The following ADAMTSL1 variants were observed in gnomAD, a reference collection of about 807,000 sequenced individuals.
The protein encoded by ADAMTSL1 is ADAMTS like 1.
Under a neutral mutation model 201.8 loss-of-function variants are expected in ADAMTSL1, and 126 were observed. The observed-to-expected ratio is 0.62, with a 90% CI of 0.54 to 0.72. The LOEUF is 0.72. ADAMTSL1 is among the 30% of genes least tolerant of loss of function. ADAMTSL1 has a pLI of 0.00. For synonymous variants in ADAMTSL1, 1,121 were observed against 903.4 expected, an observed-to-expected ratio of 1.24 and a Z score of -4.32; for missense variants, 2,679 against 2,277.8, an observed-to-expected ratio of 1.18 and a Z score of -3.59.
chr9:17,955,516 G>T (rs1032316929), intron 1 of ADAMTSL1, among the ~76,000 whole-genome samples: 1 of 152,126 alleles, frequency 6.6e-6, no homozygotes, highest in South Asian at 2.1e-4. Flanking sequence ...GTCAGCTTTG[G>T]TCCAAAACAT....
At chr9:18,515,103 C>T in intron 2 of ADAMTSL1, among the ~76,000 whole-genome samples, 1 of 152,040 alleles carries the variant, frequency 6.6e-6, no homozygotes, top group Non-Finnish European at 1.5e-5. Context: ...ACCTGGAAAG[C>T]TTTTAAAAAA....
chr9:18,472,727 T>C (rs925786362), upstream of ADAMTSL1, among the ~76,000 whole-genome samples: 2 of 152,212 alleles, frequency 1.3e-5, no homozygotes, highest in Non-Finnish European at 2.9e-5. Context: ...TATTTTTTAA[T>C]AATGAAAGGA....
intron 2 of ADAMTSL1, among the ~76,000 whole-genome samples, chr9:18,378,269 T>C (rs1837394409): frequency 6.6e-6 from 1 of 152,156 alleles, no homozygotes; most frequent in Non-Finnish European, 1.5e-5. Context: ...ATAGTGTATG[T>C]GAAGCTCAGG....
At chr9:18,335,448 G>A (rs534454485) in intron 2 of ADAMTSL1, among the ~76,000 whole-genome samples, 19 of 152,112 alleles carry the variant, frequency 1.2e-4, no homozygotes, top group African/African-American at 4.3e-4. Context: ...AACTGGGGAG[G>A]CAATATATCA....
chr9:18,300,211 G>A (rs988715700), intron 2 of ADAMTSL1, among the ~76,000 whole-genome samples: 1 of 152,038 alleles, frequency 6.6e-6, no homozygotes, highest in African/African-American at 2.4e-5. Context: ...GGAACCAACC[G>A]AAATGTCCAT....
At chr9:18,653,407 A>G (rs1222189363) in intron 7 of ADAMTSL1, among the ~76,000 whole-genome samples, 1 of 152,118 alleles carries the variant, frequency 6.6e-6, no homozygotes, top group Admixed American at 6.5e-5. Flanking sequence ...AGACAACATT[A>G]TACCTGTTGT....
chr9:18,193,584 A>G (rs986185775), intron 2 of ADAMTSL1, among the ~76,000 whole-genome samples: 2 of 152,122 alleles, frequency 1.3e-5, no homozygotes, highest in African/African-American at 4.8e-5. Context: ...TCCAGATGTG[A>G]GGACATGAAA....
chr9:18,826,620 A>G (rs1004210567), intron 22 of ADAMTSL1, among the ~76,000 whole-genome samples, 157 bp downstream of exon 22: 9 of 152,204 alleles, frequency 5.9e-5, no homozygotes, highest in Non-Finnish European at 1.5e-5. Context: ...TCGATAGAAC[A>G]CAAACTTTGA....
At chr9:18,235,710 C>T (rs951007386) in intron 2 of ADAMTSL1, among the ~76,000 whole-genome samples, 3 of 152,172 alleles carry the variant, frequency 2.0e-5, no homozygotes, top group African/African-American at 7.2e-5. Context: ...CAGCTTTTGA[C>T]TCCAGGCTCC....
intron 2 of ADAMTSL1, among the ~76,000 whole-genome samples, chr9:18,190,412 G>C (rs895529885): frequency 3.3e-5 from 5 of 152,138 alleles, no homozygotes; most frequent in Non-Finnish European, 5.9e-5. Flanking sequence ...ATTAGGAACT[G>C]TCATTGTGAC....
At chr9:18,034,800 T>G (rs1821122009) in intron 1 of ADAMTSL1, among the ~76,000 whole-genome samples, 2 of 152,218 alleles carry the variant, frequency 1.3e-5, no homozygotes, top group Non-Finnish European at 2.9e-5. Flanking sequence ...TTGACACACT[T>G]GGAACATCCT....
At chr9:18,333,080 G>GGT (rs1835097058) in intron 2 of ADAMTSL1, among the ~76,000 whole-genome samples, 1 of 152,176 alleles carries the variant, frequency 6.6e-6, no homozygotes, top group South Asian at 2.1e-4. Flanking sequence ...TTACCTCACA[G>GGT]ATTATCTAGC....
Position 18,777,824 on chromosome 9 carries a change from C to T in ADAMTSL1, c.3595C>T (p.Leu1199Phe). The part of the protein sequence containing the change: ...VALASGTLSV[L>F]LHCEAIGHPR... ...CCTGGCCAGCGGGACACTGAGTGTT[C>T]TTCTGCACTGTGAGGCCATCGGCCA... The change falls in exon 19 of 29, where the codon CTT (leucine) becomes TTT (phenylalanine). Residue 1199 changes from leucine to phenylalanine, a missense_variant. Physicochemically the swap from Leu to Phe is conservative, Grantham distance 22. Coordinates refer to ENST00000380548, the MANE Select transcript of ADAMTSL1 (RefSeq NM_001040272.6). 1 of 1,611,080 alleles carries T rather than the reference C, an allele frequency of 6.2e-7. No individual in the cohort carries two copies. The highest frequency in any genetic ancestry group is 8.5e-7 in the Non-Finnish European group (1 of 1,177,660).
At chr9:18,379,708 G>A (rs1004615297) in intron 2 of ADAMTSL1, among the ~76,000 whole-genome samples, 14 of 152,250 alleles carry the variant, frequency 9.2e-5, no homozygotes, top group Non-Finnish European at 1.8e-4. Flanking sequence ...TATACCGGAT[G>A]AGAGCATAAA....
At chr9:18,590,170 C>A (rs917058142) in intron 4 of ADAMTSL1, among the ~76,000 whole-genome samples, 3 of 151,944 alleles carry the variant, frequency 2.0e-5, no homozygotes, top group African/African-American at 7.2e-5. Context: ...CTGGGTGTGA[C>A]TTTGATGGAA....
chr9:18,809,695 A>G (rs1362546943), intron 20 of ADAMTSL1, among the ~76,000 whole-genome samples: 1 of 152,194 alleles, frequency 6.6e-6, no homozygotes, highest in Admixed American at 6.5e-5. Flanking sequence ...AGACTGAGGC[A>G]GGAGAATTAC....
intron 3 of ADAMTSL1, among the ~76,000 whole-genome samples, chr9:18,553,038 A>G (rs1357505455): frequency 6.6e-6 from 1 of 151,578 alleles, no homozygotes; most frequent in Non-Finnish European, 1.5e-5. Context: ...TATTTAATGT[A>G]AACATTTTTA....
chr9:17,971,673 A>G (rs530417744), intron 1 of ADAMTSL1, among the ~76,000 whole-genome samples: 119 of 152,068 alleles, frequency 7.8e-4, no homozygotes, highest in African/African-American at 2.7e-3. Flanking sequence ...ATTTAACTAA[A>G]TGGGGCTTTT....
intron 15 of ADAMTSL1, among the ~76,000 whole-genome samples, chr9:18,731,581 T>C (rs891178196): frequency 6.6e-6 from 1 of 151,782 alleles, no homozygotes; most frequent in African/African-American, 2.4e-5. Flanking sequence ...CAGTGAGCCG[T>C]GAGTGCACCA....
Sources: allele counts gnomAD v4.1 joint callset (sites outside exome capture counted in the v4.1 genomes callset), GRCh38; gene constraint gnomAD v4.1.1; transcripts MANE v1.5; gene names NCBI Gene and HGNC (gene_info 2026-07-23, HGNC 2026-07-21).